Variants in SGCZ observed in about 807,000 individuals in gnomAD.
The protein encoded by SGCZ is zeta-sarcoglycan.
Under a neutral mutation model 41.3 loss-of-function variants are expected in SGCZ, and 40 were observed. The observed-to-expected ratio is 0.97, with a 90% CI of 0.75 to 1.26. The LOEUF is 1.26. Among genes scored for constraint, SGCZ ranks in the 50% most tolerant of loss-of-function variants. The pLI, the probability that SGCZ is intolerant of heterozygous loss-of-function variation, is 0.00. For missense variants in SGCZ, 552 were observed against 369.8 expected, an observed-to-expected ratio of 1.49 and a Z score of -4.04; for synonymous variants, 206 against 137.5, an observed-to-expected ratio of 1.50 and a Z score of -3.49.
intron 2 of SGCZ, among the ~76,000 whole-genome samples, chr8:14,448,956 A>G (rs953050472): frequency 2.0e-5 from 3 of 152,312 alleles, no homozygotes; most frequent in Admixed American, 1.3e-4. Flanking sequence ...AATGAGAATG[A>G]CCACTCAGTT....
chr8:14,744,075 G>A (rs1321280542), intron 1 of SGCZ, among the ~76,000 whole-genome samples: 1 of 152,084 alleles, frequency 6.6e-6, no homozygotes, highest in South Asian at 2.1e-4. Flanking sequence ...AGGGTTAGAT[G>A]TTGGCAAGGG....
At chr8:14,770,943 G>C (rs996948101) in intron 1 of SGCZ, among the ~76,000 whole-genome samples, 1 of 152,084 alleles carries the variant, frequency 6.6e-6, no homozygotes, top group African/African-American at 2.4e-5. Flanking sequence ...AATAGAATTT[G>C]CCTGACAGAT....
intron 2 of SGCZ, among the ~76,000 whole-genome samples, chr8:14,551,497 ATTATAT>A (rs1563404300): frequency 1.8e-4 from 1 of 5,642 alleles, no homozygotes; most frequent in Admixed American, 3.6e-3. Flanking sequence ...TATTATATAT[ATTATAT>A]ATATTATATA....
rs187398097 is a variant in SGCZ at position 14,511,118 on chromosome 8, T to C, written c.234+43614A>G. Among the ~76,000 whole-genome samples, 1,266 of 152,118 alleles carry C rather than the reference T, an allele frequency of 8.3e-3. 19 individuals are homozygous for C. Among genetic ancestry groups the C allele is most frequent in the South Asian group, 0.021 (101 of 4,828 alleles). On this transcript the variant is annotated intron_variant, in intron 2 of 7. Coordinates refer to ENST00000382080, the MANE Select transcript of SGCZ (RefSeq NM_139167.4). ...ATGTGTCACAAATGGTGCTGTCAAG[T>C]ACCCTTACTTGAGGACTAGTAATTG... is the stretch of plus-strand genomic sequence containing the variant.
At chr8:15,094,220 T>A (rs1315816225) in intron 1 of SGCZ, among the ~76,000 whole-genome samples, 1 of 152,008 alleles carries the variant, frequency 6.6e-6, no homozygotes, top group Non-Finnish European at 1.5e-5. Context: ...CTGCTAACTC[T>A]ACCTCCCAGG....
chr8:14,410,961 TA>T (rs1165586133), intron 2 of SGCZ, among the ~76,000 whole-genome samples: 1 of 152,108 alleles, frequency 6.6e-6, no homozygotes, highest in Non-Finnish European at 1.5e-5. Flanking sequence ...TTTTTTCTTT[TA>T]AAAAAATTTC....
At chr8:14,694,012 T>A (rs1247214356) in intron 1 of SGCZ, among the ~76,000 whole-genome samples, 4 of 152,242 alleles carry the variant, frequency 2.6e-5, no homozygotes, top group Non-Finnish European at 5.9e-5. Context: ...CTATTTTGAC[T>A]GTTGCCTGGC....
intron 1 of SGCZ, among the ~76,000 whole-genome samples, chr8:14,867,254 C>A (rs1017290753): frequency 6.6e-6 from 1 of 152,094 alleles, no homozygotes; most frequent in Non-Finnish European, 1.5e-5. Flanking sequence ...GTCTCGATCT[C>A]CATCCATATC....
intron 1 of SGCZ, among the ~76,000 whole-genome samples, chr8:14,791,255 C>T: frequency 6.6e-6 from 1 of 151,890 alleles, no homozygotes; most frequent in Middle Eastern, 3.4e-3. Context: ...TTTTAGTTTG[C>T]CAGAGACTGC....
chr8:15,172,884 G>A (rs1799886376), intron 1 of SGCZ, among the ~76,000 whole-genome samples: 1 of 152,182 alleles, frequency 6.6e-6, no homozygotes, highest in African/African-American at 2.4e-5. Context: ...GTATAAAGAT[G>A]TATATACAAA....
At chr8:14,760,354 A>G (rs2130352126) in intron 1 of SGCZ, among the ~76,000 whole-genome samples, 1 of 152,320 alleles carries the variant, frequency 6.6e-6, no homozygotes, top group African/African-American at 2.4e-5. Flanking sequence ...AAGAACTGCC[A>G]TTTGATGAGG....
At chr8:14,455,057 C>G (rs1369101471) in intron 2 of SGCZ, among the ~76,000 whole-genome samples, 1 of 151,756 alleles carries the variant, frequency 6.6e-6, no homozygotes, top group African/African-American at 2.4e-5. Context: ...AAAATGCATG[C>G]CAAAAACACC....
chr8:14,592,043 G>C (rs1468102186), intron 1 of SGCZ, among the ~76,000 whole-genome samples: 3 of 152,062 alleles, frequency 2.0e-5, no homozygotes, highest in Admixed American at 6.6e-5. Context: ...ATATTGTTGT[G>C]TCATTATATC....
At chr8:14,541,769 T>C (rs555091012) in intron 2 of SGCZ, among the ~76,000 whole-genome samples, 3 of 152,278 alleles carry the variant, frequency 2.0e-5, no homozygotes, top group African/African-American at 7.2e-5. Context: ...GCAGTCCTAT[T>C]TCTCCACATC....
chr8:14,605,270 A>G (rs1038286334), intron 1 of SGCZ, among the ~76,000 whole-genome samples: 5 of 151,728 alleles, frequency 3.3e-5, no homozygotes, highest in African/African-American at 1.2e-4. Context: ...TTTTTTTTTA[A>G]GTTTTGTGGG....
chr8:14,297,024 C>T (rs34388208), intron 3 of SGCZ, among the ~76,000 whole-genome samples: 42,358 of 151,924 alleles, frequency 0.28, 6,486 homozygotes, highest in Non-Finnish European at 0.35. Flanking sequence ...CAGGTTCAAA[C>T]GATTCTCCTG....
chr8:14,245,523 A>T lies in SGCZ; in HGVS notation c.337-7844T>A, dbSNP rs374534832. 3.0e-3 allele frequency among the ~76,000 whole-genome samples: 451 copies of T among 152,342 alleles called. 11 individuals are homozygous for T. Among genetic ancestry groups the T allele is most frequent in the Admixed American group, 0.02 (305 of 15,294 alleles). ...GAAAACCTAGGCATTACCATTCAGG[A>T]CATAGACATTGGCAAGGACTTCATG... On this transcript the variant is annotated intron_variant, in intron 3 of 7. Transcript: ENST00000382080.
intron 1 of SGCZ, among the ~76,000 whole-genome samples, chr8:14,917,678 G>C (rs1167230716): frequency 6.6e-6 from 1 of 151,836 alleles, no homozygotes; most frequent in Non-Finnish European, 1.5e-5. Flanking sequence ...TTCTACACAA[G>C]TTTTCAGGCC....
At chr8:14,604,622 T>C (rs1440333936) in intron 1 of SGCZ, among the ~76,000 whole-genome samples, 1 of 152,172 alleles carries the variant, frequency 6.6e-6, no homozygotes, top group Non-Finnish European at 1.5e-5. Context: ...CTCCAAGATA[T>C]GACTGTCAAA....
Sources: allele counts gnomAD v4.1 joint callset (sites outside exome capture counted in the v4.1 genomes callset), GRCh38; gene constraint gnomAD v4.1.1; transcripts MANE v1.5; gene names NCBI Gene and HGNC (gene_info 2026-07-23, HGNC 2026-07-21).